TRPM1: variants seen among roughly 807,000 people sequenced by gnomAD.
TRPM1 encodes the protein transient receptor potential cation channel subfamily M member 1, also known as TRPM1-203 APA Isoform, Intron 10.
A neutral mutation model predicts 149.4 loss-of-function variants in TRPM1; 113 were observed. The observed-to-expected ratio is 0.76, with a 90% CI of 0.65 to 0.88. The LOEUF is 0.88. Ranked by LOEUF, TRPM1 falls within the 40% of genes least tolerant of loss-of-function variation. The pLI, the probability that TRPM1 is intolerant of heterozygous loss-of-function variation, is 0.00. For missense variants in TRPM1, 1,976 were observed against 2,038.7 expected (o/e 0.97, Z 0.59); for synonymous variants, 741 against 759.5 (o/e 0.98, Z 0.40).
intron 1 of TRPM1, among the ~76,000 whole-genome samples, chr15:31,085,733 A>G (rs897578459): frequency 6.6e-6 from 1 of 152,238 alleles, no homozygotes; most frequent in Non-Finnish European, 1.5e-5. Context: ...TGACCTGGTT[A>G]GTGCAAATAG....
chr15:31,131,874 C>T (rs367868293), intron 1 of TRPM1, among the ~76,000 whole-genome samples: 2 of 151,382 alleles, frequency 1.3e-5, no homozygotes, highest in Admixed American at 6.6e-5. Context: ...TAGTTCCTAC[C>T]ACTTTTATTT....
intron 1 of TRPM1, among the ~76,000 whole-genome samples, chr15:31,110,863 CTTTT>C (rs1258881296): frequency 6.6e-6 from 1 of 151,238 alleles, no homozygotes; most frequent in Non-Finnish European, 1.5e-5. Flanking sequence ...CTCACTTTTT[CTTTT>C]CTTTCTTCTT....
chr15:31,128,637 G>A lies in TRPM1; in HGVS notation c.54+32269C>T, dbSNP rs150507924. ...CTGCTTCCAGAGCCATGAAGCCACC[G>A]CATCACTGACGGGCATAGGCAGACA... On this transcript the variant is annotated intron_variant, in intron 1 of 26. Coordinates refer to the TRPM1 transcript ENST00000542188. Among the ~76,000 whole-genome samples the A allele has an allele frequency of 7.2e-5, 11 of 152,280 alleles. No individual in the cohort carries two copies. The East Asian group carries it at 2.1e-3, about 29-fold the overall frequency.
At chr15:31,038,293 G>C in intron 18 of TRPM1, 127 bp from the exon 19 acceptor site, 1 of 1,081,248 alleles carries the variant, frequency 9.2e-7, no homozygotes, top group Non-Finnish European at 1.3e-6. Context: ...TGTTATCCCT[G>C]GTCTGACGTT....
At position 31,029,532 on chromosome 15, in the gene TRPM1, A is replaced by C. The variant is rs913581526; in HGVS notation, c.3128-141T>G. 6.1e-6 allele frequency: 5 copies of C among 825,220 alleles called. No individual in the cohort carries two copies. In the Admixed American group the frequency reaches 1.0e-4, roughly 17 times the overall value. The allele number at this position is 825,220 out of a possible 1,614,324, so 51.1% of individuals were successfully genotyped here. On this transcript the variant is annotated intron_variant, in intron 23 of 27. Transcript: ENST00000256552. ...TGTTTTGCTGTGAAGAAATGCAAAT[A>C]TTTTAAGCTTGGGAAATATTGATTC...
chr15:31,153,818 G>C (rs183747878), intron 1 of TRPM1, among the ~76,000 whole-genome samples: 1 of 152,162 alleles, frequency 6.6e-6, no homozygotes, highest in African/African-American at 2.4e-5. Context: ...TGAAAACATC[G>C]ACAAGTCTCA....
At chr15:31,081,294 A>C in intron 2 of TRPM1, 59 bp downstream of exon 2, 1 of 780,048 alleles carries the variant, frequency 1.3e-6, no homozygotes, top group Non-Finnish European at 1.9e-6. Flanking sequence ...GCATGTGACT[A>C]ACGTACTTTC....
chr15:31,115,791 G>A (rs189886607), intron 1 of TRPM1, among the ~76,000 whole-genome samples: 2 of 151,458 alleles, frequency 1.3e-5, no homozygotes, highest in East Asian at 3.9e-4. Context: ...CCATTCAAGC[G>A]GCTAAAACAA....
At position 31,040,005 on chromosome 15, in the gene TRPM1, G is replaced by T; in HGVS notation, c.2316+113C>A. The T allele has an allele frequency of 1.1e-6, 1 of 910,558 alleles. No individual in the cohort carries two copies. The highest frequency in any genetic ancestry group is 1.8e-6 in the Non-Finnish European group (1 of 566,876). The allele number at this position is 910,558 out of a possible 1,614,324, so 56.4% of individuals were successfully genotyped here. On this transcript the variant is annotated intron_variant, in intron 18 of 27. Coordinates refer to ENST00000256552, the MANE Select transcript of TRPM1 (RefSeq NM_001252024.2). This position sits in a 1 kb window ranked among gnomAD's most constrained non-coding sequence, Gnocchi z 4.2. ...AATGATTGTCATGGCGTCTCCCTCA[G>T]GGGGTTGCTAGAAGGAATAAATGAA... is the stretch of plus-strand genomic sequence containing the variant.
chr15:31,032,810 G>A lies in TRPM1; in HGVS notation c.2831C>T (p.Pro944Leu). ...IGAILRLQNQ[P>L]YMGYGRVIYC... The stretch of plus-strand genomic sequence containing the variant: ...GATCACCCGGCCATAGCCCATGTAG[G>A]GCTGGTTCTGTAGGCGAAGAATTGC... Residue 944 changes from proline to leucine, a missense_variant, in exon 22 of 28, where the codon CCC (proline) becomes CTC (leucine). Physicochemically the swap from Pro to Leu is moderately conservative, Grantham distance 98. Around this residue, in one of 3 missense-constraint regions of TRPM1, gnomAD observed 1,332 missense variants for 1,347.1 expected, o/e 0.99. Transcript: ENST00000256552. 6.2e-7 allele frequency: 1 copy of A among 1,614,186 alleles called. No homozygotes were observed.
intron 27 of TRPM1, among the ~76,000 whole-genome samples, chr15:31,016,109 G>A (rs1184890269): frequency 3.3e-5 from 5 of 152,144 alleles, no homozygotes; most frequent in African/African-American, 4.8e-5. Flanking sequence ...CTCAGCCATT[G>A]CATGTAAACG....
At chr15:31,159,996 C>G (rs1489616641) in intron 1 of TRPM1, among the ~76,000 whole-genome samples, 2 of 152,134 alleles carry the variant, frequency 1.3e-5, no homozygotes, top group Non-Finnish European at 1.5e-5. Context: ...TACTGCCGCT[C>G]TGCCAGCTCC....
chr15:31,039,981 A>T (rs984281523), intron 18 of TRPM1, 137 bp downstream of exon 18: 1 of 770,794 alleles, frequency 1.3e-6, no homozygotes, highest in Non-Finnish European at 2.2e-6. Flanking sequence ...CTATAAGACA[A>T]TGATTGTCAT....
chr15:31,043,131 T>C (rs2033668642), intron 16 of TRPM1, among the ~76,000 whole-genome samples: 1 of 152,208 alleles, frequency 6.6e-6, no homozygotes, highest in Admixed American at 6.5e-5. Flanking sequence ...CATGGGGAGT[T>C]ATAGGAGGTA....
intron 12 of TRPM1, among the ~76,000 whole-genome samples, 174 bp downstream of exon 12, chr15:31,050,235 C>G (rs778579257): frequency 3.9e-5 from 6 of 152,190 alleles, no homozygotes; most frequent in Non-Finnish European, 8.8e-5. Flanking sequence ...AACCGACAGG[C>G]TCATTGCAGC....
Position 31,085,063 on chromosome 15 carries a change from T to C in TRPM1, c.-83-3625A>G, listed in dbSNP as rs1271298065. Among the ~76,000 whole-genome samples the C allele has an allele frequency of 1.3e-5, 2 of 152,152 alleles. 1 individual carries two copies. Among genetic ancestry groups the C allele is most frequent in the Non-Finnish European group, 2.9e-5 (2 of 68,034 alleles). On this transcript the variant is annotated intron_variant, in intron 1 of 27. Transcript: ENST00000256552. The stretch of plus-strand genomic sequence containing the variant: ...AAGCAAATTCATTAACTTGTTCATT[T>C]TGTGTTTGTGGGAGGGGATACAGAC...
intron 1 of TRPM1, among the ~76,000 whole-genome samples, chr15:31,124,232 C>A (rs2035915536): frequency 6.6e-6 from 1 of 151,582 alleles, no homozygotes; most frequent in Non-Finnish European, 1.5e-5. Context: ...TTGCAGTGAG[C>A]CGAGATCGCG....
intron 27 of TRPM1, among the ~76,000 whole-genome samples, chr15:31,019,400 TC>T (rs2032478134): frequency 1.3e-5 from 2 of 152,308 alleles, no homozygotes; most frequent in East Asian, 1.9e-4. Context: ...CTCACGTCTT[TC>T]TTTTTTTTGT....
At chr15:31,076,854 G>A (rs1384470638) in intron 3 of TRPM1, 51 bp downstream of exon 3, 1 of 1,363,640 alleles carries the variant, frequency 7.3e-7, no homozygotes, top group Non-Finnish European at 1.0e-6. Flanking sequence ...TGAGAATAGT[G>A]GCAGACAAGC....
Sources: allele counts gnomAD v4.1 joint callset (sites outside exome capture counted in the v4.1 genomes callset), GRCh38; gene constraint gnomAD v4.1.1; regional missense constraint gnomAD v4.1.1; non-coding constraint Gnocchi (gnomAD v3.1); transcripts MANE v1.5; gene names NCBI Gene and HGNC (gene_info 2026-07-23, HGNC 2026-07-21).